GSK3B: variants seen among roughly 807,000 people sequenced by gnomAD.
GSK3B encodes glycogen synthase kinase-3 beta.
GSK3B carries 15 observed loss-of-function variants against 56.4 expected under a neutral mutation model. The ratio of observed to expected loss-of-function variants is 0.27; its 90% CI spans 0.18 to 0.41. The LOEUF is 0.41. Ranked by LOEUF, GSK3B falls within the 10% of genes least tolerant of loss-of-function variation. The probability of loss-of-function intolerance (pLI) is 1.00; values close to 1 mark genes in which losing one functional copy is unlikely to be tolerated. For synonymous variants in GSK3B, 181 were observed against 188.9 expected, an observed-to-expected ratio of 0.96 and a Z score of 0.34; for missense variants, 300 against 513.4, an observed-to-expected ratio of 0.58 and a Z score of 4.02.
At chr3:119,948,092 T>C (rs1341816172) in intron 2 of GSK3B, among the ~76,000 whole-genome samples, 1 of 152,142 alleles carries the variant, frequency 6.6e-6, no homozygotes, top group Non-Finnish European at 1.5e-5. Flanking sequence ...AGTCCAACAA[T>C]ATACTTGACT....
rs1418866923 is a variant in GSK3B, at chr3:120,067,611, A to G, written c.88+25736T>C. Among the ~76,000 whole-genome samples, 3 of 152,238 alleles carry G rather than the reference A, an allele frequency of 2.0e-5. No homozygotes were observed. The East Asian group carries it at 5.8e-4, about 29-fold the overall frequency. On this transcript the variant is annotated intron_variant, in intron 1 of 10. Coordinates refer to ENST00000264235, the MANE Select transcript of GSK3B (RefSeq NM_001146156.2). ...AAATCAAAAAATCATAAGTTGAACCATCATGAATTCGGGATCACCTGTATT... is the reference window on the plus strand; with the variant it reads ...AAATCAAAAAATCATAAGTTGAACCGTCATGAATTCGGGATCACCTGTATT...
chr3:120,090,262 A>C (rs1179635957), intron 1 of GSK3B, among the ~76,000 whole-genome samples: 2 of 152,064 alleles, frequency 1.3e-5, no homozygotes, highest in African/African-American at 4.8e-5. Context: ...TTTGATGAGA[A>C]GCATTTAAAT....
At chr3:119,892,400 T>A (rs967170679) in intron 7 of GSK3B, among the ~76,000 whole-genome samples, 3 of 152,158 alleles carry the variant, frequency 2.0e-5, no homozygotes, top group Non-Finnish European at 4.4e-5. Context: ...TCCCTTCCGC[T>A]CCCTATCTGG....
At chr3:119,852,401 T>G (rs1236988383) in intron 9 of GSK3B, among the ~76,000 whole-genome samples, 1 of 151,848 alleles carries the variant, frequency 6.6e-6, no homozygotes, top group Non-Finnish European at 1.5e-5. Flanking sequence ...TAGGCTGGAG[T>G]GCAGTGGTGT....
At chr3:120,075,072 C>T (rs1312218429) in intron 1 of GSK3B, among the ~76,000 whole-genome samples, 2 of 152,064 alleles carry the variant, frequency 1.3e-5, no homozygotes, top group Non-Finnish European at 2.9e-5. Context: ...ATATGGGCAT[C>T]CAAAGCTGGT....
intron 2 of GSK3B, among the ~76,000 whole-genome samples, chr3:119,983,959 A>G (rs2057489007): frequency 6.6e-6 from 1 of 152,216 alleles, no homozygotes. Flanking sequence ...ATTGGAAGTA[A>G]AGCACTCCTC....
intron 2 of GSK3B, among the ~76,000 whole-genome samples, chr3:119,956,737 A>T (rs2057218049): frequency 1.3e-5 from 2 of 152,222 alleles, no homozygotes; most frequent in Non-Finnish European, 2.9e-5. Context: ...GCTATTCAAG[A>T]AAAGATTCTG....
intron 1 of GSK3B, among the ~76,000 whole-genome samples, chr3:120,006,609 C>T (rs1163589588): frequency 6.6e-6 from 1 of 152,194 alleles, no homozygotes; most frequent in Non-Finnish European, 1.5e-5. Context: ...CATTAAGAAT[C>T]TCATTCAAAA....
chr3:119,976,889 T>C lies in GSK3B; in HGVS notation c.282+25157A>G, dbSNP rs570896172. On this transcript the variant is annotated intron_variant, in intron 2 of 10. Transcript: ENST00000264235. ...ATATATATGGGAATTTGAAACAGTA[T>C]AAACACAAAATAACAGTAAACTCAA... Among the ~76,000 whole-genome samples, 7 of 151,436 alleles carry C rather than the reference T, an allele frequency of 4.6e-5. No homozygotes were observed. The East Asian group carries it at 1.4e-3, about 29-fold the overall frequency.
At chr3:119,859,442 T>C (rs2108028737) in intron 9 of GSK3B, among the ~76,000 whole-genome samples, 1 of 152,300 alleles carries the variant, frequency 6.6e-6, no homozygotes, top group East Asian at 1.9e-4. Flanking sequence ...AATCTGCTAG[T>C]TATCATAATT....
chr3:119,989,325 A>G (rs189894418), intron 2 of GSK3B, among the ~76,000 whole-genome samples: 233 of 152,240 alleles, frequency 1.5e-3, no homozygotes, highest in Non-Finnish European at 2.5e-3. Flanking sequence ...CAGCCCCCAA[A>G]AGTCATAAAT....
intron 2 of GSK3B, among the ~76,000 whole-genome samples, chr3:119,979,330 G>A (rs562200310): frequency 2.0e-5 from 3 of 152,040 alleles, no homozygotes; most frequent in South Asian, 2.1e-4. Flanking sequence ...AACCCTCTCC[G>A]GGTCTCTCCT....
At chr3:119,886,760 G>C (rs1576174913) in intron 7 of GSK3B, among the ~76,000 whole-genome samples, 1 of 152,062 alleles carries the variant, frequency 6.6e-6, no homozygotes. Context: ...GCAAATTACT[G>C]CAAGAATAGA....
At chr3:120,058,945 C>T (rs112630184) in intron 1 of GSK3B, among the ~76,000 whole-genome samples, 4 of 149,916 alleles carry the variant, frequency 2.7e-5, no homozygotes, top group African/African-American at 4.9e-5. Context: ...AGGAAGCACA[C>T]GTTGCAGTGA....
intron 9 of GSK3B, among the ~76,000 whole-genome samples, chr3:119,847,161 A>T (rs1026303837): frequency 1.3e-5 from 2 of 152,102 alleles, no homozygotes; most frequent in Non-Finnish European, 2.9e-5. Context: ...AGGGGGAGGG[A>T]TAGCATTAGG....
At chr3:119,893,842 C>A (rs2056531208) in intron 7 of GSK3B, among the ~76,000 whole-genome samples, 2 of 150,578 alleles carry the variant, frequency 1.3e-5, no homozygotes, top group Admixed American at 1.3e-4. Context: ...CAAAGACATT[C>A]TTTTACAGAT....
intron 1 of GSK3B, among the ~76,000 whole-genome samples, chr3:120,089,190 T>C (rs977501171): frequency 1.3e-4 from 20 of 152,202 alleles, no homozygotes; most frequent in African/African-American, 4.8e-4. Flanking sequence ...AGCCATAAGG[T>C]GATTTGTGAA....
intron 1 of GSK3B, among the ~76,000 whole-genome samples, chr3:120,092,811 G>A (rs2058524870): frequency 6.6e-6 from 1 of 152,176 alleles, no homozygotes; most frequent in African/African-American, 2.4e-5. Flanking sequence ...TTCATCCACA[G>A]ATTAAGAACA....
At chr3:120,083,899 A>G (rs1182511692) in intron 1 of GSK3B, among the ~76,000 whole-genome samples, 1 of 152,236 alleles carries the variant, frequency 6.6e-6, no homozygotes, top group Non-Finnish European at 1.5e-5. Flanking sequence ...ACATAAATCC[A>G]TTTATATGAA....
Sources: allele counts gnomAD v4.1 joint callset (sites outside exome capture counted in the v4.1 genomes callset), GRCh38; gene constraint gnomAD v4.1.1; transcripts MANE v1.5; gene names NCBI Gene and HGNC (gene_info 2026-07-23, HGNC 2026-07-21).